Variants in PTPN13 observed in about 807,000 individuals in gnomAD.
The protein encoded by PTPN13 is tyrosine-protein phosphatase non-receptor type 13.
A neutral mutation model predicts 284.0 loss-of-function variants in PTPN13; 191 were observed. The ratio of observed to expected loss-of-function variants is 0.67; its 90% CI spans 0.60 to 0.76. The LOEUF (loss-of-function observed/expected upper bound fraction) is 0.76, where lower values mean the gene tolerates loss of function less well. Ranked by LOEUF, PTPN13 falls within the 30% of genes least tolerant of loss-of-function variation. PTPN13 has a pLI of 0.00. For synonymous variants in PTPN13, 986 were observed against 1,022.3 expected (o/e 0.96, Z 0.68); for missense variants, 2,797 against 2,939.9 (o/e 0.95, Z 1.12).
At chr4:86,651,326 T>C (rs1054553677) in intron 2 of PTPN13, among the ~76,000 whole-genome samples, 1 of 152,306 alleles carries the variant, frequency 6.6e-6, no homozygotes, top group African/African-American at 2.4e-5. Context: ...TAGTATTTTG[T>C]TGAGGATTTT....
chr4:86,766,804 A>G (rs1739373297), intron 27 of PTPN13, among the ~76,000 whole-genome samples: 1 of 152,224 alleles, frequency 6.6e-6, no homozygotes, highest in Non-Finnish European at 1.5e-5. Context: ...TGTTGTATAA[A>G]CATCTCATTT....
At chr4:86,731,161 T>G (rs1396555228) in intron 10 of PTPN13, among the ~76,000 whole-genome samples, 2 of 152,256 alleles carry the variant, frequency 1.3e-5, no homozygotes, top group South Asian at 4.1e-4. Context: ...CTGGTAACAT[T>G]CATTAGTTCA....
intron 40 of PTPN13, among the ~76,000 whole-genome samples, chr4:86,790,440 A>G (rs1486885358): frequency 2.0e-5 from 3 of 152,190 alleles, no homozygotes; most frequent in Admixed American, 1.3e-4. Flanking sequence ...GTAGAGCTTA[A>G]TGATGGAGAG....
chr4:86,674,066 C>T (rs1565291930), intron 3 of PTPN13, among the ~76,000 whole-genome samples: 1 of 151,986 alleles, frequency 6.6e-6, no homozygotes, highest in Admixed American at 6.6e-5. Context: ...TATTTGATGG[C>T]ATAATGAAGA....
chr4:86,664,403 T>TTG (rs1209355308), intron 2 of PTPN13, among the ~76,000 whole-genome samples: 2 of 152,052 alleles, frequency 1.3e-5, no homozygotes, highest in South Asian at 4.1e-4. Context: ...TTCAAAATTT[T>TTG]TGTGTGTGTG....
In PTPN13 at chr4:86,794,057, A is replaced by G. The variant is rs557510211; in HGVS notation, c.6346-2817A>G. 1.6e-4 allele frequency among the ~76,000 whole-genome samples: 25 copies of G among 152,346 alleles called. No homozygotes were observed. The South Asian group carries it at 1.7e-3, about 10-fold the overall frequency. On this transcript the variant is annotated intron_variant, in intron 40 of 47. Coordinates refer to ENST00000411767, the MANE Select transcript of PTPN13 (RefSeq NM_080683.3). ...AACCATTCAAAAAATCAGTGAATCCAGGAGCTAGTTTTTTGAAAATATCAA... is the reference window on the plus strand; with the variant it reads ...AACCATTCAAAAAATCAGTGAATCCGGGAGCTAGTTTTTTGAAAATATCAA...
Position 86,722,205 on chromosome 4 carries a change from T to C in PTPN13, c.1386-7T>C, listed in dbSNP as rs574895758. On this transcript the variant is annotated splice_region_variant and splice_polypyrimidine_tract_variant and intron_variant, in intron 9 of 47. Transcript: ENST00000411767. The stretch of plus-strand genomic sequence containing the variant: ...CAATCCTCACCTGTCTCCTCTTTTC[T>C]ATATAGCAGACAATATGAAACACCC... 3.7e-6 allele frequency: 6 copies of C among 1,600,482 alleles called. No homozygotes were observed. The highest frequency in any genetic ancestry group is 1.7e-4 in the Middle Eastern group (1 of 6,038).
At chr4:86,734,489 T>G (rs1273825762) in intron 13 of PTPN13, 33 bp downstream of exon 13, 2 of 1,489,246 alleles carry the variant, frequency 1.3e-6, no homozygotes, top group Non-Finnish European at 1.8e-6. Flanking sequence ...TTTGCTCTTT[T>G]TGGACACTGG....
intron 40 of PTPN13, among the ~76,000 whole-genome samples, chr4:86,788,464 G>C (rs34320168): frequency 0.1 from 15,148 of 152,154 alleles, 875 homozygotes; most frequent in Non-Finnish European, 0.11. Context: ...TTATCATGTG[G>C]CAAAAGTTAA....
At position 86,659,875 on chromosome 4, in the gene PTPN13, C is replaced by T. The variant is rs149147212; in HGVS notation, c.116-12490C>T. Among the ~76,000 whole-genome samples, 195 of 151,846 alleles carry T rather than the reference C, an allele frequency of 1.3e-3. 4 individuals are homozygous for T. The highest frequency in any genetic ancestry group is 4.5e-3 in the African/African-American group (187 of 41,442). On this transcript the variant is annotated intron_variant, in intron 2 of 47. Transcript: ENST00000411767. ...AAAAGAAAAAAACTTAAAAGCCACA[C>T]GTGCCTGATAGCCACTGCATTGGAA...
chr4:86,642,403 G>A (rs1010285820), intron 2 of PTPN13, among the ~76,000 whole-genome samples: 1 of 142,608 alleles, frequency 7.0e-6, no homozygotes, highest in African/African-American at 2.6e-5. Context: ...TTTCCCAGTT[G>A]TATGCCTTTC....
chr4:86,803,301 A>T (rs1332280734), intron 42 of PTPN13, among the ~76,000 whole-genome samples: 2 of 151,600 alleles, frequency 1.3e-5, no homozygotes, highest in Non-Finnish European at 2.9e-5. Context: ...TAAAATAAAG[A>T]CCTTCCTAGC....
At chr4:86,692,962 C>T (rs1309214185) in intron 5 of PTPN13, among the ~76,000 whole-genome samples, 1 of 151,544 alleles carries the variant, frequency 6.6e-6, no homozygotes, top group Non-Finnish European at 1.5e-5. Flanking sequence ...ACCAGTAGTC[C>T]CAGCTACTCT....
rs185756886 is a variant in PTPN13, at chr4:86,693,548, T to G, written c.547-39T>G. The G allele has an allele frequency of 4.5e-6, 6 of 1,326,340 alleles. No homozygotes were observed. In the East Asian group the frequency reaches 1.3e-4, roughly 28 times the overall value. 82.2% of individuals were successfully genotyped at this position (1,326,340 alleles called of 1,614,324 possible). ...AGTTACCATGAAAACAAAAGGGAGA[T>G]CCTTTTGTCAAACTTGATTTTTTAT... On this transcript the variant is annotated intron_variant, in intron 5 of 47. Coordinates refer to ENST00000411767, the MANE Select transcript of PTPN13 (RefSeq NM_080683.3).
chr4:86,759,192 T>A, intron 23 of PTPN13, 119 bp downstream of exon 23: 1 of 988,530 alleles, frequency 1.0e-6, no homozygotes, highest in Non-Finnish European at 1.5e-6. Flanking sequence ...TTAAGTAAAC[T>A]GTGATTACTT....
chr4:86,814,436 C>A lies in PTPN13; in HGVS notation c.7363-20C>A. 1 of 1,494,450 alleles carries A rather than the reference C, an allele frequency of 6.7e-7. No individual in the cohort carries two copies. The highest frequency in any genetic ancestry group is 1.1e-5 in the South Asian group (1 of 87,726). The allele number at this position is 1,494,450 out of a possible 1,614,324, so 92.6% of individuals were successfully genotyped here. A position where few individuals can be genotyped will look rare whatever the true frequency, so the allele number is the denominator to read the frequency against. ...ACATTATACATCTAAAGTATTCTAT[C>A]TCACTTTTTTTGGCCATAGGATCAA... On this transcript the variant is annotated intron_variant, in intron 47 of 47. Transcript: ENST00000411767.
chr4:86,690,317 A>G (rs1729891404), intron 5 of PTPN13: 1 of 152,138 alleles, frequency 6.6e-6, no homozygotes, highest in African/African-American at 2.4e-5. Context: ...GTCCAGACCA[A>G]AGTTTCTCAT....
intron 14 of PTPN13, among the ~76,000 whole-genome samples, chr4:86,735,097 T>G (rs1474971590): frequency 6.6e-6 from 1 of 152,138 alleles, no homozygotes; most frequent in African/African-American, 2.4e-5. Context: ...TTTTGGAGTT[T>G]AGGAATATCT....
intron 17 of PTPN13, among the ~76,000 whole-genome samples, chr4:86,747,486 A>G (rs559121083): frequency 6.6e-6 from 1 of 152,292 alleles, no homozygotes; most frequent in South Asian, 2.1e-4. Flanking sequence ...AGAAGATAGT[A>G]CTACTACTAT....
Sources: allele counts gnomAD v4.1 joint callset (sites outside exome capture counted in the v4.1 genomes callset), GRCh38; gene constraint gnomAD v4.1.1; transcripts MANE v1.5; gene names NCBI Gene and HGNC (gene_info 2026-07-23, HGNC 2026-07-21).